IL1RAPL1: variants seen among roughly 807,000 people sequenced by gnomAD.
IL1RAPL1 encodes the protein interleukin 1 receptor accessory protein like 1.
IL1RAPL1 carries 3 observed loss-of-function variants against 48.4 expected under a neutral mutation model. That is an observed-to-expected ratio of 0.06 (90% CI 0.03 to 0.16). The LOEUF is 0.16. IL1RAPL1 is among the 10% of genes least tolerant of loss of function. IL1RAPL1 has a pLI of 1.00. For synonymous variants in IL1RAPL1, 185 were observed against 187.7 expected (o/e 0.99, Z 0.12); for missense variants, 349 against 530.6 (o/e 0.66, Z 3.36).
In IL1RAPL1 at chrX:28,734,223, A is replaced by G. The variant is rs149726494; in HGVS notation, c.-24-55097A>G. 4.4e-3 allele frequency among the ~76,000 whole-genome samples: 492 copies of G among 111,711 alleles called. 1 individual carries two copies. The highest frequency in any genetic ancestry group is 7.2e-3 in the Non-Finnish European group (384 of 53,164). ...CCCTCTTCAAATCTATTCTCAACACAGAAGTCAAATGTCAGTAAAATCCTG... is the reference window on the plus strand; with the variant it reads ...CCCTCTTCAAATCTATTCTCAACACGGAAGTCAAATGTCAGTAAAATCCTG... On this transcript the variant is annotated intron_variant, in intron 1 of 10. Coordinates refer to ENST00000378993, the MANE Select transcript of IL1RAPL1 (RefSeq NM_014271.4).
At chrX:28,837,854 C>G (rs1216644745) in intron 2 of IL1RAPL1, among the ~76,000 whole-genome samples, 2 of 108,285 alleles carry the variant, frequency 1.8e-5, no homozygotes, top group South Asian at 8.2e-4. Flanking sequence ...CATCATTTTT[C>G]TCCAAGCCCC....
intron 5 of IL1RAPL1, among the ~76,000 whole-genome samples, chrX:29,621,420 A>G (rs919792037): frequency 4.5e-5 from 5 of 111,187 alleles, no homozygotes; most frequent in Non-Finnish European, 9.5e-5. Context: ...GTAATTGGAT[A>G]TATATGATAC....
chrX:28,659,075 C>G (rs1934785707), intron 1 of IL1RAPL1: 1 of 681,254 alleles, frequency 1.5e-6, no homozygotes, highest in Non-Finnish European at 2.3e-6. Context: ...AGCACGTTCT[C>G]CACGTATGCA....
At chrX:29,436,553 CT>C (rs1005661210) in intron 5 of IL1RAPL1, among the ~76,000 whole-genome samples, 10 of 108,031 alleles carry the variant, frequency 9.3e-5, no homozygotes, top group African/African-American at 2.0e-4. Flanking sequence ...CTCCCCCGCC[CT>C]TTTTTTTTGT....
chrX:29,299,073 C>T (rs1258626479), intron 3 of IL1RAPL1, among the ~76,000 whole-genome samples: 3 of 109,215 alleles, frequency 2.7e-5, no homozygotes, highest in Non-Finnish European at 5.7e-5. Context: ...AAAAAAAACA[C>T]GTGAAAGGAC....
chrX:29,736,391 T>C (rs1928045958), intron 6 of IL1RAPL1, among the ~76,000 whole-genome samples: 2 of 111,365 alleles, frequency 1.8e-5, no homozygotes, highest in African/African-American at 3.3e-5. Flanking sequence ...GCCACACTCA[T>C]TGGCTTTGTA....
At chrX:28,630,239 T>C (rs1315353396) in intron 1 of IL1RAPL1, among the ~76,000 whole-genome samples, 1 of 111,517 alleles carries the variant, frequency 9.0e-6, no homozygotes, top group African/African-American at 3.3e-5. Flanking sequence ...TTTATTTTTG[T>C]TTCAATTTTC....
At chrX:28,794,155 A>G (rs1036238056) in intron 2 of IL1RAPL1, among the ~76,000 whole-genome samples, 5 of 111,622 alleles carry the variant, frequency 4.5e-5, no homozygotes, top group Non-Finnish European at 7.5e-5. Context: ...GAAGCAAAAG[A>G]TATAACCCGG....
At chrX:29,353,486 A>T (rs1933261049) in intron 3 of IL1RAPL1, among the ~76,000 whole-genome samples, 1 of 111,776 alleles carries the variant, frequency 8.9e-6, no homozygotes, top group Non-Finnish European at 1.9e-5. Context: ...AAAACTAATT[A>T]GCAGATATTA....
chrX:29,720,121 G>A (rs1286297491), intron 6 of IL1RAPL1, among the ~76,000 whole-genome samples: 1 of 111,982 alleles, frequency 8.9e-6, no homozygotes, highest in Non-Finnish European at 1.9e-5. Flanking sequence ...TGGAGAGGAT[G>A]TGGAGAAATA....
chrX:29,245,174 A>G (rs1206810329), intron 2 of IL1RAPL1, among the ~76,000 whole-genome samples: 1 of 111,571 alleles, frequency 9.0e-6, no homozygotes, highest in African/African-American at 3.3e-5. Context: ...CTGGTCTATC[A>G]TTGATGGGCA....
intron 2 of IL1RAPL1, among the ~76,000 whole-genome samples, chrX:29,117,255 T>C (rs930176156): frequency 6.3e-5 from 7 of 111,896 alleles, no homozygotes; most frequent in Non-Finnish European, 1.3e-4. Flanking sequence ...TCAGAGAAGA[T>C]GCTTCTGATT....
chrX:29,054,917 A>T (rs1927178769), intron 2 of IL1RAPL1, among the ~76,000 whole-genome samples: 1 of 112,262 alleles, frequency 8.9e-6, no homozygotes, highest in Non-Finnish European at 1.9e-5. Context: ...ATTAATAAAT[A>T]CTTGTTGAAC....
At chrX:29,175,989 A>G (rs1218103155) in intron 2 of IL1RAPL1, among the ~76,000 whole-genome samples, 1 of 109,833 alleles carries the variant, frequency 9.1e-6, no homozygotes, top group African/African-American at 3.3e-5. Flanking sequence ...TTTAGCCTGC[A>G]TCAGAATTAG....
rs1378944239 is a variant in IL1RAPL1 at position 29,668,474 on chromosome X, A to G, written c.748A>G (p.Ser250Gly). Residue 250 changes from serine (S) to glycine (G), a missense_variant, in exon 6 of 11, where the codon AGT becomes GGT. By Grantham distance (56) the Ser-to-Gly change is moderately conservative. Transcript: ENST00000378993. ...ACCCAAGCTTTTGTATCCTATGGAA[A>G]GTAAACTGACAATTCAGGAGACCCA... is the stretch of plus-strand genomic sequence containing the variant. ...KPPKLLYPME[S>G]KLTIQETQLG... 4 of 1,207,425 alleles carry G rather than the reference A, an allele frequency of 3.3e-6. No individual in the cohort carries two copies. Among genetic ancestry groups the G allele is most frequent in the East Asian group, 5.9e-5 (2 of 33,762 alleles).
intron 2 of IL1RAPL1, among the ~76,000 whole-genome samples, chrX:29,213,390 A>T (rs1402559727): frequency 2.1e-4 from 24 of 112,568 alleles, no homozygotes; most frequent in Non-Finnish European, 7.5e-5. Context: ...AGTGGTCTGA[A>T]AATCAGCACT....
chrX:28,646,567 C>G (rs1410192757), intron 1 of IL1RAPL1, among the ~76,000 whole-genome samples: 1 of 112,362 alleles, frequency 8.9e-6, no homozygotes, highest in Non-Finnish European at 1.9e-5. Context: ...TTGTTCAATG[C>G]AATGTGGTAT....
intron 6 of IL1RAPL1, among the ~76,000 whole-genome samples, chrX:29,774,610 T>A (rs1341839431): frequency 1.8e-5 from 2 of 112,184 alleles, no homozygotes; most frequent in African/African-American, 6.5e-5. Context: ...ATTTCTTCAA[T>A]ATACAAAGAA....
intron 6 of IL1RAPL1, among the ~76,000 whole-genome samples, chrX:29,806,729 A>G (rs1473810358): frequency 9.0e-6 from 1 of 111,637 alleles, no homozygotes; most frequent in African/African-American, 3.3e-5. Flanking sequence ...AAGAATATAT[A>G]TCTATTAGCC....
Sources: gnomAD v4.1 joint callset for allele counts (sites outside exome capture counted in the v4.1 genomes callset) on GRCh38, gnomAD v4.1.1 for gene constraint, MANE v1.5 for transcripts, NCBI Gene and HGNC (gene_info 2026-07-23, HGNC 2026-07-21) for gene names.